Variants in COL22A1 observed in about 807,000 individuals in gnomAD.
COL22A1 encodes collagen type XXII alpha 1 chain.
A neutral mutation model predicts 248.9 loss-of-function variants in COL22A1; 221 were observed. The observed-to-expected ratio is 0.89, with a 90% CI of 0.80 to 0.99. The LOEUF is 0.99. Ranked by LOEUF, COL22A1 falls within the 50% of genes least tolerant of loss-of-function variation. The pLI, the probability that COL22A1 is intolerant of heterozygous loss-of-function variation, is 0.00. For missense variants in COL22A1, 2,240 were observed against 2,179.0 expected (o/e 1.03, Z -0.56); for synonymous variants, 891 against 793.4 (o/e 1.12, Z -2.07).
At position 138,604,716 on chromosome 8, in the gene COL22A1, T is replaced by C. The variant is rs778717731; in HGVS notation, c.4140+18A>G. On this transcript the variant is annotated intron_variant, in intron 59 of 64. Coordinates refer to ENST00000303045, the MANE Select transcript of COL22A1 (RefSeq NM_152888.3). ...TGGTAAAGGGTTGCCAAGGGGTGAG[T>C]GGGCGTGTGATACTTGCCTCCTTGC... 1.7e-5 allele frequency: 27 copies of C among 1,611,418 alleles called. No homozygotes were observed. The highest frequency in any genetic ancestry group is 2.7e-5 in the African/African-American group (2 of 74,800).
intron 30 of COL22A1, among the ~76,000 whole-genome samples, chr8:138,709,712 A>C (rs1010883173): frequency 1.3e-5 from 2 of 152,104 alleles, no homozygotes; most frequent in African/African-American, 4.8e-5. Flanking sequence ...GTGGCAGCAC[A>C]CCAACATGGC....
intron 42 of COL22A1, among the ~76,000 whole-genome samples, chr8:138,663,177 T>C (rs1824137782): frequency 6.6e-6 from 1 of 152,254 alleles, no homozygotes; most frequent in African/African-American, 2.4e-5. Context: ...AATCGCATTT[T>C]CCCAGTAAAT....
At chr8:138,660,574 G>A in intron 43 of COL22A1, 94 bp from the exon 44 acceptor site, 1 of 1,081,564 alleles carries the variant, frequency 9.2e-7, no homozygotes, top group Non-Finnish European at 1.4e-6. Context: ...TATCTGCTAA[G>A]TGTAACTCAG....
At chr8:138,865,249 T>C (rs532741569) in intron 3 of COL22A1, among the ~76,000 whole-genome samples, 1 of 152,342 alleles carries the variant, frequency 6.6e-6, no homozygotes, top group Admixed American at 6.5e-5. Flanking sequence ...CAGTCTTTAT[T>C]GTCCTGAGCA....
intron 55 of COL22A1, among the ~76,000 whole-genome samples, chr8:138,614,445 A>G (rs1158143667): frequency 6.6e-6 from 1 of 152,232 alleles, no homozygotes; most frequent in Non-Finnish European, 1.5e-5. Flanking sequence ...AAACTTGGAC[A>G]TGCTTCTACA....
At chr8:138,837,603 AG>A (rs567333385) in intron 4 of COL22A1, among the ~76,000 whole-genome samples, 52 of 152,232 alleles carry the variant, frequency 3.4e-4, no homozygotes, top group Non-Finnish European at 4.1e-4. Context: ...CCATACAACA[AG>A]GGGCCTTTGA....
chr8:138,802,945 G>C lies in COL22A1; in HGVS notation c.1495-11C>G. 6.2e-7 allele frequency: 1 copy of C among 1,609,806 alleles called. No homozygotes were observed. Among genetic ancestry groups the C allele is most frequent in the Non-Finnish European group, 8.5e-7 (1 of 1,176,064 alleles). ...GGCTCCTATGTCTCCCTGAGGGGTT[G>C]AGACCAGAGACAAGCATCAGATTAG... On this transcript the variant is annotated splice_polypyrimidine_tract_variant and intron_variant, in intron 10 of 64. Transcript: ENST00000303045.
intron 64 of COL22A1, among the ~76,000 whole-genome samples, chr8:138,590,301 T>C (rs902988644): frequency 6.6e-6 from 1 of 152,218 alleles, no homozygotes. Flanking sequence ...CTAACTCTAT[T>C]AATGCTTTGG....
intron 25 of COL22A1, among the ~76,000 whole-genome samples, chr8:138,723,797 G>A (rs1011797364): frequency 6.6e-6 from 1 of 152,208 alleles, no homozygotes; most frequent in African/African-American, 2.4e-5. Flanking sequence ...ACAGAGCTGG[G>A]GAGGACGCTG....
chr8:138,640,485 C>T (rs562426197), intron 47 of COL22A1, among the ~76,000 whole-genome samples: 7 of 152,188 alleles, frequency 4.6e-5, no homozygotes, highest in South Asian at 2.1e-4. Flanking sequence ...CCTTTCTCCA[C>T]CAATAGCTGG....
At chr8:138,772,987 C>T (rs538213397) in intron 16 of COL22A1, among the ~76,000 whole-genome samples, 11 of 152,364 alleles carry the variant, frequency 7.2e-5, no homozygotes, top group South Asian at 2.1e-4. Context: ...AAAGCCCCGG[C>T]GCCGCGTGTG....
At chr8:138,776,891 T>C (rs971809933) in intron 15 of COL22A1, among the ~76,000 whole-genome samples, 3 of 152,224 alleles carry the variant, frequency 2.0e-5, no homozygotes, top group African/African-American at 7.2e-5. Context: ...CTAGGGGTTG[T>C]GTCGGAAGGC....
intron 7 of COL22A1, among the ~76,000 whole-genome samples, chr8:138,815,426 C>T (rs1366081003): frequency 1.3e-5 from 2 of 152,142 alleles, no homozygotes; most frequent in African/African-American, 4.8e-5. Flanking sequence ...TCGCTCTCCC[C>T]AGGCCCTGCA....
At chr8:138,723,912 T>G (rs1830100177) in intron 25 of COL22A1, among the ~76,000 whole-genome samples, 1 of 152,182 alleles carries the variant, frequency 6.6e-6, no homozygotes, top group Non-Finnish European at 1.5e-5. Context: ...TTACCCAATC[T>G]GCTTCACCTC....
intron 11 of COL22A1, among the ~76,000 whole-genome samples, chr8:138,798,425 CTG>C (rs1434642190): frequency 1.3e-5 from 2 of 151,754 alleles, no homozygotes; most frequent in African/African-American, 4.8e-5. Flanking sequence ...ATATTTTTAA[CTG>C]TATATTTTGG....
At chr8:138,808,497 G>A (rs1817914044) in intron 9 of COL22A1, among the ~76,000 whole-genome samples, 1 of 152,218 alleles carries the variant, frequency 6.6e-6, no homozygotes, top group African/African-American at 2.4e-5. Context: ...AAATACAAAA[G>A]AGGACATATA....
intron 13 of COL22A1, among the ~76,000 whole-genome samples, chr8:138,779,958 C>T (rs1363972744): frequency 6.6e-6 from 1 of 152,170 alleles, no homozygotes; most frequent in African/African-American, 2.4e-5. Context: ...GACAGAGTCT[C>T]GCTTTGTTGC....
intron 41 of COL22A1, among the ~76,000 whole-genome samples, chr8:138,668,379 A>G (rs552991542): frequency 1.3e-5 from 2 of 152,240 alleles, no homozygotes; most frequent in South Asian, 4.2e-4. Context: ...ATTTCTCCAT[A>G]ATAAAAATTT....
At chr8:138,607,781 A>AT (rs1818540215) in intron 57 of COL22A1, among the ~76,000 whole-genome samples, 155 bp downstream of exon 57, 1 of 152,174 alleles carries the variant, frequency 6.6e-6, no homozygotes, top group Non-Finnish European at 1.5e-5. Context: ...AAATGGCCCT[A>AT]TGGAGCCTCT....
Sources: allele counts gnomAD v4.1 joint callset (sites outside exome capture counted in the v4.1 genomes callset), GRCh38; gene constraint gnomAD v4.1.1; transcripts MANE v1.5; gene names NCBI Gene and HGNC (gene_info 2026-07-23, HGNC 2026-07-21).